The following CCSER1 variants were observed in gnomAD, a reference collection of about 807,000 sequenced individuals.
The protein encoded by CCSER1 is coiled-coil serine rich protein 1, also known as serine-rich coiled-coil domain-containing protein 1.
CCSER1 carries 41 observed loss-of-function variants against 82.0 expected under a neutral mutation model. That is an observed-to-expected ratio of 0.50 (90% confidence interval 0.39 to 0.65). The LOEUF is 0.65. Ranked by LOEUF, CCSER1 falls within the 30% of genes least tolerant of loss-of-function variation. The pLI, the probability that CCSER1 is intolerant of heterozygous loss-of-function variation, is 0.00. For synonymous variants in CCSER1, 414 were observed against 383.9 expected (o/e 1.08, Z -0.92); for missense variants, 1,119 against 1,064.2 (o/e 1.05, Z -0.72).
intron 5 of CCSER1, among the ~76,000 whole-genome samples, chr4:90,473,586 A>AT (rs1329594866): frequency 1.3e-5 from 2 of 152,202 alleles, no homozygotes; most frequent in African/African-American, 4.8e-5. Context: ...TTTTTAAAGA[A>AT]TTGCTAACAC....
chr4:90,502,852 A>G (rs1187529603), intron 5 of CCSER1, among the ~76,000 whole-genome samples: 4 of 152,190 alleles, frequency 2.6e-5, no homozygotes, highest in Non-Finnish European at 5.9e-5. Context: ...AATAGCTGAA[A>G]CTTCTGGCTT....
At chr4:90,489,416 A>G (rs1235989865) in intron 5 of CCSER1, among the ~76,000 whole-genome samples, 1 of 152,180 alleles carries the variant, frequency 6.6e-6, no homozygotes, top group Admixed American at 6.6e-5. Flanking sequence ...ACTGGGGTAA[A>G]GAACAGAGTC....
intron 6 of CCSER1, among the ~76,000 whole-genome samples, chr4:90,708,785 A>G (rs1330104426): frequency 6.6e-6 from 1 of 152,094 alleles, no homozygotes; most frequent in Non-Finnish European, 1.5e-5. Flanking sequence ...TAAGGATCTG[A>G]TTTTTTCCCC....
At chr4:91,056,810 T>C (rs1743490748) in intron 9 of CCSER1, among the ~76,000 whole-genome samples, 1 of 152,220 alleles carries the variant, frequency 6.6e-6, no homozygotes, top group Admixed American at 6.5e-5. Flanking sequence ...AAGTAAAACC[T>C]TTTTAGATTT....
At chr4:90,268,615 C>T (rs553782180) in intron 1 of CCSER1, among the ~76,000 whole-genome samples, 27 of 151,604 alleles carry the variant, frequency 1.8e-4, no homozygotes, top group Non-Finnish European at 3.2e-4. Flanking sequence ...AAAAGGGAGA[C>T]AGAAAGGAAG....
intron 9 of CCSER1, among the ~76,000 whole-genome samples, chr4:90,982,766 A>G (rs1736232937): frequency 6.6e-6 from 1 of 151,822 alleles, no homozygotes; most frequent in African/African-American, 2.4e-5. Flanking sequence ...AAATAAGGTC[A>G]TTCCTTTGAA....
At chr4:90,825,832 C>T (rs370989578) in intron 8 of CCSER1, among the ~76,000 whole-genome samples, 17 of 149,436 alleles carry the variant, frequency 1.1e-4, no homozygotes, top group East Asian at 6.0e-4. Flanking sequence ...CAGGTTCAAG[C>T]GATTCTCCTG....
chr4:91,120,871 T>A (rs11941628), intron 10 of CCSER1, among the ~76,000 whole-genome samples: 78,137 of 151,538 alleles, frequency 0.52, 20,438 homozygotes, highest in East Asian at 0.68. Flanking sequence ...AATCAGGGGA[T>A]GTGTTTCAAG....
chr4:90,358,935 G>A (rs1223679312), intron 3 of CCSER1, among the ~76,000 whole-genome samples: 1 of 152,112 alleles, frequency 6.6e-6, no homozygotes, highest in African/African-American at 2.4e-5. Context: ...TCATCCATAA[G>A]TTACTCAGAA....
rs34719158 is a variant in CCSER1, at chr4:91,017,811, T to TTG, written c.2173-68109_2173-68108dup. On this transcript the variant is annotated intron_variant, in intron 9 of 10. Coordinates refer to ENST00000509176, the MANE Select transcript of CCSER1 (RefSeq NM_001145065.2). The stretch of plus-strand genomic sequence containing the variant: ...TCGTATTAACATTATGGTTTTTAAA[T>TTG]TGTGTGTGTGTGTGTGTGTGTGTGT... 7.3e-3 allele frequency among the ~76,000 whole-genome samples: 1,052 copies of TTG among 143,996 alleles called. 12 individuals are homozygous for TTG. The highest frequency in any genetic ancestry group is 0.021 in the African/African-American group (857 of 40,164). 94.5% of individuals were successfully genotyped at this position (143,996 alleles called of 152,430 possible). A position where few individuals can be genotyped will look rare whatever the true frequency, so the allele number is the denominator to read the frequency against.
At chr4:90,932,991 A>C (rs1465476291) in intron 9 of CCSER1, among the ~76,000 whole-genome samples, 1 of 38,950 alleles carries the variant, frequency 2.6e-5, no homozygotes, top group African/African-American at 1.4e-4. Flanking sequence ...AGAGAAAGAA[A>C]GAAAGAAAGA....
At chr4:90,438,047 T>G (rs1759301819) in intron 4 of CCSER1, among the ~76,000 whole-genome samples, 1 of 152,120 alleles carries the variant, frequency 6.6e-6, no homozygotes, top group South Asian at 2.1e-4. Context: ...ATAATAATAT[T>G]TTTCTGATAA....
chr4:91,313,625 T>C (rs1332254037), intron 10 of CCSER1, among the ~76,000 whole-genome samples: 3 of 151,942 alleles, frequency 2.0e-5, no homozygotes, highest in Admixed American at 6.6e-5. Flanking sequence ...AGTTGTGGCA[T>C]TGCACATGGT....
rs376954395 is a variant in CCSER1, at chr4:90,373,698, T to C, written c.1510-26338T>C. ...CTAGGTCTTTCATGGGAGACAATTC[T>C]TCATGGGTCTCCAGCATTTTTTCAT... On this transcript the variant is annotated intron_variant, in intron 3 of 10. Coordinates refer to ENST00000509176, the MANE Select transcript of CCSER1 (RefSeq NM_001145065.2). 3.3e-3 allele frequency among the ~76,000 whole-genome samples: 509 copies of C among 152,306 alleles called. 4 individuals are homozygous for C. The highest frequency in any genetic ancestry group is 0.011 in the African/African-American group (468 of 41,564).
At chr4:91,530,918 C>A (rs987367576) in intron 10 of CCSER1, among the ~76,000 whole-genome samples, 2 of 151,952 alleles carry the variant, frequency 1.3e-5, no homozygotes, top group African/African-American at 4.8e-5. Flanking sequence ...AACTCCTGAC[C>A]TCAGGTGATC....
At chr4:90,369,223 G>GAAA in intron 3 of CCSER1, among the ~76,000 whole-genome samples, 1 of 117,506 alleles carries the variant, frequency 8.5e-6, no homozygotes, top group Non-Finnish European at 1.8e-5. Flanking sequence ...AAGAAAGAAA[G>GAAA]GGGGAGGAAA....
chr4:90,531,313 C>A (rs1270848663), intron 5 of CCSER1, among the ~76,000 whole-genome samples: 2 of 151,152 alleles, frequency 1.3e-5, no homozygotes, highest in African/African-American at 4.9e-5. Flanking sequence ...CCTTAAAAAT[C>A]TCAAAAATGA....
Position 90,264,947 on chromosome 4 carries a change from A to G in CCSER1, c.-41-43297A>G, listed in dbSNP as rs1321900191. On this transcript the variant is annotated intron_variant, in intron 1 of 10. Transcript: ENST00000509176. ...AAACATAACCCATTTTCCTTTTCTG[A>G]TATTCTTTGACTATTTTATTTTAAA... Among the ~76,000 whole-genome samples the G allele has an allele frequency of 2.0e-5, 3 of 151,914 alleles. No individual in the cohort carries two copies. In the East Asian group the frequency reaches 5.8e-4, roughly 29 times the overall value.
chr4:91,539,597 G>A (rs1454974447), intron 10 of CCSER1, among the ~76,000 whole-genome samples: 1 of 152,050 alleles, frequency 6.6e-6, no homozygotes, highest in Admixed American at 6.6e-5. Flanking sequence ...AAATCAGCAT[G>A]TGGAAATAGA....
Sources: allele counts gnomAD v4.1 joint callset (sites outside exome capture counted in the v4.1 genomes callset), GRCh38; gene constraint gnomAD v4.1.1; transcripts MANE v1.5; gene names NCBI Gene and HGNC (gene_info 2026-07-23, HGNC 2026-07-21).